The following APBA1 variants were observed in gnomAD, a reference collection of about 807,000 sequenced individuals.
APBA1 encodes the protein amyloid beta precursor protein binding family A member 1, also known as amyloid-beta A4 precursor protein-binding family A member 1.
A neutral mutation model predicts 86.6 loss-of-function variants in APBA1; 55 were observed. The ratio of observed to expected loss-of-function variants is 0.64; its 90% confidence interval spans 0.51 to 0.80. The LOEUF (loss-of-function observed/expected upper bound fraction) is 0.80, where lower values mean the gene tolerates loss of function less well. APBA1 is among the 30% of genes least tolerant of loss of function. APBA1 has a pLI of 0.00. For missense variants in APBA1, 1,090 were observed against 1,183.0 expected, an observed-to-expected ratio of 0.92 and a Z score of 1.15; for synonymous variants, 511 against 493.9, an observed-to-expected ratio of 1.03 and a Z score of -0.46.
intron 9 of APBA1, among the ~76,000 whole-genome samples, chr9:69,451,750 A>T (rs1238059036): frequency 6.6e-6 from 1 of 152,094 alleles, no homozygotes; most frequent in African/African-American, 2.4e-5. Context: ...TGTTTGTCCA[A>T]GTGTAGTTGG....
chr9:69,612,814 T>C (rs1408577586), intron 1 of APBA1, among the ~76,000 whole-genome samples: 1 of 151,952 alleles, frequency 6.6e-6, no homozygotes, highest in Non-Finnish European at 1.5e-5. Context: ...CTTCAAAATA[T>C]GGATTTAGGA....
chr9:69,528,013 C>G (rs913330654), intron 1 of APBA1, among the ~76,000 whole-genome samples: 1 of 152,008 alleles, frequency 6.6e-6, no homozygotes, highest in Non-Finnish European at 1.5e-5. Flanking sequence ...TGCATCAAAC[C>G]AAGATTATTA....
At chr9:69,590,213 G>A (rs1425995864) in intron 1 of APBA1, among the ~76,000 whole-genome samples, 1 of 152,184 alleles carries the variant, frequency 6.6e-6, no homozygotes, top group Non-Finnish European at 1.5e-5. Context: ...TTCCTCTTGG[G>A]GTGGGAACAT....
In APBA1 at chr9:69,636,803, AAGAG is replaced by A. The variant is rs34367635; in HGVS notation, c.-70+35346_-70+35349del. On this transcript the variant is annotated intron_variant, in intron 1 of 12. Coordinates refer to ENST00000265381, the MANE Select transcript of APBA1 (RefSeq NM_001163.4). ...GAGTGAGAGCCTGTCTCAAAAAAAGAAGAGAGAGAGAGAGAGAGAGAGAGAGAGG... is the reference window on the plus strand; with the variant it reads ...GAGTGAGAGCCTGTCTCAAAAAAAGAAGAGAGAGAGAGAGAGAGAGAGAGG... Among the ~76,000 whole-genome samples, 31 of 15,346 alleles carry A rather than the reference AAGAG, an allele frequency of 2.0e-3. 2 individuals carry two copies. Among genetic ancestry groups the A allele is most frequent in the Admixed American group, 7.2e-3 (8 of 1,106 alleles). 10.1% of individuals were successfully genotyped at this position (15,346 alleles called of 152,430 possible). A position where few individuals can be genotyped will look rare whatever the true frequency, so the allele number is the denominator to read the frequency against.
intron 2 of APBA1, among the ~76,000 whole-genome samples, chr9:69,498,827 T>C (rs1835839035): frequency 6.6e-6 from 1 of 152,182 alleles, no homozygotes; most frequent in Admixed American, 6.5e-5. Flanking sequence ...TATTCCTTTA[T>C]GTAGCTAGTG....
chr9:69,509,441 CAAAA>C (rs199940218), intron 2 of APBA1, among the ~76,000 whole-genome samples: 1 of 105,216 alleles, frequency 9.5e-6, no homozygotes, highest in Admixed American at 1.1e-4. Context: ...GTTTACCAAC[CAAAA>C]AGAGTCCAGG....
At position 69,428,873 on chromosome 9, in the gene APBA1, A is replaced by T. The variant is rs1038485226; in HGVS notation, c.*2454T>A. Reference sequence around the variant, plus strand: ...TCACTGGGTGTGAAGACACACCTGGATTAACACAAAAGAATGTGGCAGAGA... The same window carrying T: ...TCACTGGGTGTGAAGACACACCTGGTTTAACACAAAAGAATGTGGCAGAGA... On this transcript the variant is annotated 3_prime_UTR_variant, in exon 13 of 13. Transcript: ENST00000265381. 2.0e-5 allele frequency: 3 copies of T among 152,246 alleles called. No homozygotes were observed. The highest frequency in any genetic ancestry group is 7.2e-5 in the African/African-American group (3 of 41,460). The allele number at this position is 152,246 out of a possible 1,614,324, so 9.4% of individuals were successfully genotyped here. A position where few individuals can be genotyped will look rare whatever the true frequency, so the allele number is the denominator to read the frequency against.
intron 1 of APBA1, among the ~76,000 whole-genome samples, chr9:69,666,420 T>G (rs908567683): frequency 6.0e-5 from 9 of 150,806 alleles, no homozygotes; most frequent in African/African-American, 9.8e-5. Context: ...AGTCCATTGC[T>G]CTCTCTCTTT....
rs1163170937 is a variant in APBA1 at position 69,430,965 on chromosome 9, C to T, written c.*362G>A. Reference sequence around the variant, plus strand: ...CTGAATCAGCTGCTTTGCTGCCCCGCGAGCTCCTTTTAAGAAGTCTGCACC... The same window carrying T: ...CTGAATCAGCTGCTTTGCTGCCCCGTGAGCTCCTTTTAAGAAGTCTGCACC... On this transcript the variant is annotated 3_prime_UTR_variant, in exon 13 of 13. Transcript: ENST00000265381. 6 of 199,486 alleles carry T rather than the reference C, an allele frequency of 3.0e-5. No individual in the cohort carries two copies. The highest frequency in any genetic ancestry group is 3.7e-4 in the South Asian group (2 of 5,370). 12.4% of individuals were successfully genotyped at this position (199,486 alleles called of 1,614,324 possible). A position where few individuals can be genotyped will look rare whatever the true frequency, so the allele number is the denominator to read the frequency against.
chr9:69,664,896 T>C (rs1823817032), intron 1 of APBA1, among the ~76,000 whole-genome samples: 2 of 152,192 alleles, frequency 1.3e-5, no homozygotes, highest in Admixed American at 1.3e-4. Context: ...TAAATTAAAA[T>C]AACTGCCATC....
At chr9:69,472,396 G>A (rs980404413) in intron 3 of APBA1, 3 of 152,224 alleles carry the variant, frequency 2.0e-5, no homozygotes, top group Non-Finnish European at 2.9e-5. Context: ...GCTATCAGAG[G>A]AGCAAAACTC....
At chr9:69,494,957 G>C (rs1451330635) in intron 2 of APBA1, among the ~76,000 whole-genome samples, 2 of 152,138 alleles carry the variant, frequency 1.3e-5, no homozygotes, top group African/African-American at 4.8e-5. Context: ...ATTTTCATTA[G>C]CATCACAGAA....
At chr9:69,591,628 C>G (rs1467612101) in intron 1 of APBA1, among the ~76,000 whole-genome samples, 1 of 152,204 alleles carries the variant, frequency 6.6e-6, no homozygotes, top group Non-Finnish European at 1.5e-5. Context: ...CCAGAGGAGG[C>G]ACCAAGCTGG....
intron 1 of APBA1, among the ~76,000 whole-genome samples, chr9:69,546,419 A>G (rs1488045944): frequency 6.6e-6 from 1 of 152,170 alleles, no homozygotes; most frequent in Non-Finnish European, 1.5e-5. Context: ...CTGAGCTGCC[A>G]TGATTTAATT....
chr9:69,645,759 G>C (rs566994541), intron 1 of APBA1, among the ~76,000 whole-genome samples: 3 of 152,318 alleles, frequency 2.0e-5, no homozygotes, highest in African/African-American at 7.2e-5. Context: ...TTAAGGTCCT[G>C]GCAGACAGGT....
Position 69,445,118 on chromosome 9 carries a change from T to C in APBA1, c.2182-4003A>G, listed in dbSNP as rs145812975. ...GTGATACAGAAAATGTTACCCAACA[T>C]ACCGAAAAGCAAGAGAATGACTCTA... On this transcript the variant is annotated intron_variant, in intron 10 of 12. Transcript: ENST00000265381. Among the ~76,000 whole-genome samples the C allele has an allele frequency of 5.0e-4, 76 of 152,370 alleles. No individual in the cohort carries two copies. The East Asian group carries it at 0.014, about 29-fold the overall frequency.
intron 1 of APBA1, among the ~76,000 whole-genome samples, chr9:69,582,212 A>T (rs1050308066): frequency 1.3e-5 from 2 of 152,204 alleles, no homozygotes; most frequent in African/African-American, 2.4e-5. Flanking sequence ...TAACACATCA[A>T]AGTGAGTCAT....
intron 4 of APBA1, among the ~76,000 whole-genome samples, chr9:69,470,280 C>A (rs747136500): frequency 1.3e-5 from 2 of 152,154 alleles, no homozygotes; most frequent in Admixed American, 6.5e-5. Context: ...AAAAATTAAA[C>A]CCTTAATGAT....
intron 1 of APBA1, among the ~76,000 whole-genome samples, chr9:69,519,319 G>A (rs1274391096): frequency 1.3e-5 from 2 of 152,208 alleles, no homozygotes; most frequent in East Asian, 3.9e-4. Context: ...TAGAGTTCAT[G>A]CTCCAATACT....
Sources: gnomAD v4.1 joint callset for allele counts (sites outside exome capture counted in the v4.1 genomes callset) on GRCh38, gnomAD v4.1.1 for gene constraint, MANE v1.5 for transcripts, NCBI Gene and HGNC (gene_info 2026-07-23, HGNC 2026-07-21) for gene names.